Variants in SEMA3D observed in about 807,000 individuals in gnomAD.
SEMA3D encodes the protein semaphorin 3D.
In SEMA3D, 84 loss-of-function variants were observed where a neutral mutation model predicts 100.1. The observed-to-expected ratio is 0.84, with a 90% CI of 0.70 to 1.01. The LOEUF (loss-of-function observed/expected upper bound fraction) is 1.01, where lower values mean the gene tolerates loss of function less well. Ranked by LOEUF, SEMA3D falls within the 50% of genes least tolerant of loss-of-function variation. SEMA3D has a pLI of 0.00. For synonymous variants in SEMA3D, 312 were observed against 320.7 expected (o/e 0.97, Z 0.29); for missense variants, 875 against 934.1 (o/e 0.94, Z 0.82).
At chr7:85,114,772 T>A (rs1789190454) in intron 3 of SEMA3D, among the ~76,000 whole-genome samples, 1 of 152,164 alleles carries the variant, frequency 6.6e-6, no homozygotes. Context: ...TATATAAGAA[T>A]AAGGGCTGAG....
rs1789501342 is a variant in SEMA3D at position 85,124,056 on chromosome 7, TA to T, written c.-40-2126del. The stretch of plus-strand genomic sequence containing the variant: ...CACTAATAAAGCCTTTTTTAAAAAA[TA>T]ACCTAAAGTCCTAAAAATTATATTA... On this transcript the variant is annotated intron_variant, in intron 2 of 18. Coordinates refer to ENST00000284136, the MANE Select transcript of SEMA3D (RefSeq NM_001384900.1). 2.0e-5 allele frequency among the ~76,000 whole-genome samples: 3 copies of T among 152,048 alleles called. No individual in the cohort carries two copies. The South Asian group carries it at 6.2e-4, about 31-fold the overall frequency.
chr7:85,148,799 G>C (rs1200293740), intron 2 of SEMA3D, among the ~76,000 whole-genome samples: 2 of 151,998 alleles, frequency 1.3e-5, no homozygotes, highest in African/African-American at 4.8e-5. Flanking sequence ...GTGTGTACAT[G>C]TGTGTGTGCA....
In SEMA3D at chr7:85,147,092, C is replaced by CTTTTTTTTTTTTTTTTTTTTT; in HGVS notation, c.-41+6495_-41+6515dup. On this transcript the variant is annotated intron_variant, in intron 2 of 18. Transcript: ENST00000284136. ...TCTTTCTTTCTTTTCTTTTTCTTTT[C>CTTTTTTTTTTTTTTTTTTTTT]TTTTTTTTTTTTTTTTTTTTTTTTT... 3.1e-3 allele frequency among the ~76,000 whole-genome samples: 150 copies of CTTTTTTTTTTTTTTTTTTTTT among 48,150 alleles called. 17 individuals carry two copies. The highest frequency in any genetic ancestry group is 4.8e-3 in the East Asian group (12 of 2,522). The allele number at this position is 48,150 out of a possible 152,430, so 31.6% of individuals were successfully genotyped here.
chr7:85,002,468 T>G (rs1469244229), intron 18 of SEMA3D, among the ~76,000 whole-genome samples: 2 of 152,224 alleles, frequency 1.3e-5, no homozygotes, highest in East Asian at 3.9e-4. Context: ...ACCCAGAAAC[T>G]AAGTAGTTGA....
At chr7:85,181,390 C>A (rs2116576942) in intron 1 of SEMA3D, among the ~76,000 whole-genome samples, 1 of 150,914 alleles carries the variant, frequency 6.6e-6, no homozygotes, top group African/African-American at 2.4e-5. Flanking sequence ...ATTGAAAAGA[C>A]AGAGGAGCCA....
At chr7:85,173,850 T>C (rs2116555262) in intron 1 of SEMA3D, among the ~76,000 whole-genome samples, 1 of 152,282 alleles carries the variant, frequency 6.6e-6, no homozygotes, top group South Asian at 2.1e-4. Flanking sequence ...ACCCAGGATG[T>C]CTGCTTTCAC....
At chr7:85,241,467 G>GTGTGTGTGTATATATATATATATA in the SEMA3D span, among the ~76,000 whole-genome samples, 2 of 92,002 alleles carry the variant, frequency 2.2e-5, no homozygotes, top group African/African-American at 1.1e-4. Flanking sequence ...CTGTGTGTGT[G>GTGTGTGTGTATATATATATATATA]TATATATATA....
intron 10 of SEMA3D, 77 bp downstream of exon 10, chr7:85,042,094 G>T: frequency 2.0e-6 from 2 of 1,025,456 alleles, no homozygotes; most frequent in Non-Finnish European, 3.1e-6. Flanking sequence ...GGCATTTGGA[G>T]CCAAAGGGAA....
At chr7:85,158,799 T>C (rs1159119300) in intron 1 of SEMA3D, among the ~76,000 whole-genome samples, 1 of 152,076 alleles carries the variant, frequency 6.6e-6, no homozygotes, top group African/African-American at 2.4e-5. Flanking sequence ...TTGTACTCTG[T>C]CCCTTTATTT....
the SEMA3D span, among the ~76,000 whole-genome samples, chr7:85,213,734 A>T: frequency 6.6e-6 from 1 of 152,162 alleles, no homozygotes; most frequent in Non-Finnish European, 1.5e-5. Context: ...ACTTAGTGTA[A>T]GTGCATGAGG....
At position 85,006,829 on chromosome 7, in the gene SEMA3D, C is replaced by T; in HGVS notation, c.1881G>A (p.Gln627=). Reference sequence around the variant, plus strand: ...CCTCTCGATGCTCATCCCCTGACCTCTGGATATACCATTTAATAGTTGCTT... The same window carrying T: ...CCTCTCGATGCTCATCCCCTGACCTTTGGATATACCATTTAATAGTTGCTT... ...SQQATIKWYI[Q]RSGDEHREEL... Residue 627 remains glutamine (Q), a synonymous_variant, in exon 18 of 19, where the codon CAG becomes CAA. Transcript: ENST00000284136. The T allele has an allele frequency of 1.2e-6, 2 of 1,608,506 alleles. No homozygotes were observed. Among genetic ancestry groups the T allele is most frequent in the Non-Finnish European group, 1.7e-6 (2 of 1,176,754 alleles).
chr7:85,088,336 A>T (rs1788284422), intron 4 of SEMA3D, among the ~76,000 whole-genome samples: 1 of 152,176 alleles, frequency 6.6e-6, no homozygotes, highest in South Asian at 2.1e-4. Flanking sequence ...TAATTGACTC[A>T]AGTTAGCAAG....
intron 11 of SEMA3D, among the ~76,000 whole-genome samples, chr7:85,037,869 A>T (rs1259709885): frequency 6.6e-6 from 1 of 152,086 alleles, no homozygotes; most frequent in Non-Finnish European, 1.5e-5. Context: ...AATCATTCCC[A>T]TTTTCAAAAA....
chr7:85,128,162 ATTATTTTATT>A (rs1166145899), intron 2 of SEMA3D, among the ~76,000 whole-genome samples: 1 of 151,046 alleles, frequency 6.6e-6, no homozygotes, highest in African/African-American at 2.4e-5. Context: ...ATTTTATTTT[ATTATTTTATT>A]TTATTTTATT....
intron 2 of SEMA3D, chr7:85,140,107 AT>A (rs1455711854): frequency 2.8e-6 from 1 of 361,222 alleles, no homozygotes; most frequent in African/African-American, 2.2e-5. Context: ...GCAGACTACT[AT>A]TATCATATAA....
chr7:85,162,099 A>G (rs1420412099), intron 1 of SEMA3D, among the ~76,000 whole-genome samples: 3 of 151,566 alleles, frequency 2.0e-5, no homozygotes, highest in African/African-American at 4.8e-5. Flanking sequence ...TTTTAATCTC[A>G]TCTTAATTTC....
At chr7:85,086,334 AT>A (rs908064504) in intron 4 of SEMA3D, among the ~76,000 whole-genome samples, 36 of 151,966 alleles carry the variant, frequency 2.4e-4, no homozygotes, top group South Asian at 1.5e-3. Context: ...CATTAAAGAG[AT>A]TTTTTTTAAA....
chr7:85,170,161 G>A (rs940580370), intron 1 of SEMA3D, among the ~76,000 whole-genome samples: 1 of 151,734 alleles, frequency 6.6e-6, no homozygotes, highest in African/African-American at 2.4e-5. Context: ...AACAAAATAA[G>A]TGTTCACTAC....
the SEMA3D span, among the ~76,000 whole-genome samples, chr7:85,209,596 C>T: frequency 6.6e-6 from 1 of 151,946 alleles, no homozygotes; most frequent in Non-Finnish European, 1.5e-5. Context: ...TGATTACTTC[C>T]TTTCTTATCC....
Sources: allele counts gnomAD v4.1 joint callset (sites outside exome capture counted in the v4.1 genomes callset), GRCh38; gene constraint gnomAD v4.1.1; transcripts MANE v1.5; gene names NCBI Gene and HGNC (gene_info 2026-07-23, HGNC 2026-07-21).